Variants in MEGF8 observed in about 807,000 individuals in gnomAD.
MEGF8 encodes multiple epidermal growth factor-like domains protein 8.
MEGF8 carries 156 observed loss-of-function variants against 302.9 expected under a neutral mutation model. The ratio of observed to expected loss-of-function variants is 0.52; its 90% CI spans 0.45 to 0.59. The LOEUF (loss-of-function observed/expected upper bound fraction) is 0.59, where lower values mean the gene tolerates loss of function less well. Ranked by LOEUF, MEGF8 falls within the 20% of genes least tolerant of loss-of-function variation. The pLI is 0.00. For missense variants in MEGF8, 3,345 were observed against 3,964.5 expected, an observed-to-expected ratio of 0.84 and a Z score of 4.20; for synonymous variants, 1,621 against 1,660.5, an observed-to-expected ratio of 0.98 and a Z score of 0.58.
chr19:42,333,652 A>G lies in MEGF8; in HGVS notation c.235A>G (p.Thr79Ala). Residue 79 changes from threonine to alanine, a missense_variant, in exon 2 of 42, where the codon ACA becomes GCA. By Grantham distance (58) the Thr-to-Ala change is moderately conservative (BLOSUM62 0). Transcript: ENST00000251268. Reference sequence around the variant, plus strand: ...CCTGCTGGACTTCCTTTTCCTGGACACAGAGTGCACGTATGACTACCTGTT... The same window carrying G: ...CCTGCTGGACTTCCTTTTCCTGGACGCAGAGTGCACGTATGACTACCTGTT... The part of the protein sequence containing the change: ...RILLDFLFLD[T>A]ECTYDYLFVY... 6.2e-7 allele frequency: 1 copy of G among 1,613,952 alleles called. No individual in the cohort carries two copies. The highest frequency in any genetic ancestry group is 2.2e-5 in the East Asian group (1 of 44,868).
rs764906442 is a variant in MEGF8, at chr19:42,376,229, A to C, written c.7992A>C (p.Ser2664=). The C allele has an allele frequency of 6.2e-7, 1 of 1,603,698 alleles. No individual in the cohort carries two copies. Among genetic ancestry groups the C allele is most frequent in the Admixed American group, 1.7e-5 (1 of 57,748 alleles). Residue 2664 remains serine, a synonymous_variant, in exon 42 of 42, where the codon TCA becomes TCC. Coordinates refer to ENST00000251268, the MANE Select transcript of MEGF8 (RefSeq NM_001271938.2). This position sits in a 1 kb window ranked among gnomAD's most constrained non-coding sequence, Gnocchi z 8.2. ...TCTCCTGCTTCTTCCTCTTCCTCTC[A>C]CTCTGTGTGCTCCTCTGGAAGGCCA... The part of the protein sequence containing the change: ...VFFSCFFLFL[S]LCVLLWKAKQ...
rs1167358952 is a variant in MEGF8 at position 42,377,615 on chromosome 19, C to G, written c.*840C>G. On this transcript the variant is annotated 3_prime_UTR_variant, in exon 42 of 42. Coordinates refer to ENST00000251268, the MANE Select transcript of MEGF8 (RefSeq NM_001271938.2). The stretch of plus-strand genomic sequence containing the variant: ...CAGCCTGGCCAATATGGTGAAACCC[C>G]ATGTCTACTAAAAATACAAAAATTA... 2.0e-5 allele frequency: 3 copies of G among 152,182 alleles called. No homozygotes were observed. The highest frequency in any genetic ancestry group is 4.8e-5 in the African/African-American group (2 of 41,372). The allele number at this position is 152,182 out of a possible 1,614,324, so 9.4% of individuals were successfully genotyped here. A position where few individuals can be genotyped will look rare whatever the true frequency, so the allele number is the denominator to read the frequency against.
rs1568576433 is a variant in MEGF8, at chr19:42,369,817, C to T, written c.6834+94C>T. On this transcript the variant is annotated intron_variant, in intron 38 of 41. Transcript: ENST00000251268. The surrounding 1 kb of genome is among the most constrained non-coding windows in gnomAD (Gnocchi z 5.7). Reference sequence around the variant, plus strand: ...CAGGCGGCTCGCATCTCATCCTGAGCCCTGATAAGCCAGGGACAGATAAGC... The same window carrying T: ...CAGGCGGCTCGCATCTCATCCTGAGTCCTGATAAGCCAGGGACAGATAAGC... The T allele has an allele frequency of 7.5e-7, 1 of 1,336,466 alleles. No individual in the cohort carries two copies. The highest frequency in any genetic ancestry group is 2.5e-5 in the East Asian group (1 of 39,696). 82.8% of individuals were successfully genotyped at this position (1,336,466 alleles called of 1,614,324 possible). A position where few individuals can be genotyped will look rare whatever the true frequency, so the allele number is the denominator to read the frequency against.
chr19:42,334,087 T>C lies in MEGF8; in HGVS notation c.432T>C (p.Gly144=), dbSNP rs2039090440. The change falls in exon 3 of 42, where the codon GGT becomes GGC. Residue 144 remains glycine (G), a synonymous_variant. Coordinates refer to ENST00000251268, the MANE Select transcript of MEGF8 (RefSeq NM_001271938.2). ...CATTCCGCTTCTCCCTGTGCCCGGGTGGCTGCCAGAGCCACGGGCAGTGCC... is the reference window on the plus strand; with the variant it reads ...CATTCCGCTTCTCCCTGTGCCCGGGCGGCTGCCAGAGCCACGGGCAGTGCC... ...NASFRFSLCP[G]GCQSHGQCQP... is the part of the protein sequence containing the mutation. The C allele has an allele frequency of 1.2e-6, 2 of 1,611,776 alleles. No homozygotes were observed. Among genetic ancestry groups the C allele is most frequent in the Admixed American group, 1.7e-5 (1 of 59,834 alleles).
At chr19:42,331,866 A>G (rs575944717) in intron 1 of MEGF8, among the ~76,000 whole-genome samples, 1 of 130,832 alleles carries the variant, frequency 7.6e-6, no homozygotes, top group Non-Finnish European at 1.6e-5. Flanking sequence ...CACGGCACCC[A>G]GCCTCTTTTT....
chr19:42,362,034 A>G, intron 32 of MEGF8, 56 bp from the exon 33 acceptor site: 2 of 1,595,948 alleles, frequency 1.3e-6, no homozygotes, highest in Non-Finnish European at 1.7e-6. Context: ...AGTGTCTGGG[A>G]GGCAGAAGGA....
Position 42,356,130 on chromosome 19 carries a change from C to T in MEGF8, c.4440C>T (p.Cys1480=), listed in dbSNP as rs138473998. 1,250 of 1,580,124 alleles carry T rather than the reference C, an allele frequency of 7.9e-4. 10 individuals carry two copies. The African/African-American group carries it at 0.012, about 15-fold the overall frequency. The change falls in exon 25 of 42, where the codon TGC becomes TGT. Residue 1480 remains cysteine (C), a synonymous_variant. Coordinates refer to ENST00000251268, the MANE Select transcript of MEGF8 (RefSeq NM_001271938.2). The surrounding 1 kb of genome is among the most constrained non-coding windows in gnomAD (Gnocchi z 5.2). ...ICAEGFGGPD[C]ATKLDGGQLV... Reference sequence around the variant, plus strand: ...CCGAGGGCTTCGGGGGCCCCGACTGCGCCACCAAGCTGGATGGCGGGCAGC... The same window carrying T: ...CCGAGGGCTTCGGGGGCCCCGACTGTGCCACCAAGCTGGATGGCGGGCAGC...
chr19:42,336,361 C>CCATA lies in MEGF8; in HGVS notation c.1244+16_1244+19dup. 6.4e-7 allele frequency: 1 copy of CCATA among 1,572,956 alleles called. No homozygotes were observed. The highest frequency in any genetic ancestry group is 8.6e-7 in the Non-Finnish European group (1 of 1,160,286). On this transcript the variant is annotated intron_variant, in intron 6 of 41. Transcript: ENST00000251268. This position sits in a 1 kb window ranked among gnomAD's most constrained non-coding sequence, Gnocchi z 4.8. Reference sequence around the variant, plus strand: ...TCCACTGCCCGGTAAGTGACCTGTCCCATAACCCATGCTCCACAGGCCAGG... The same window carrying CCATA: ...TCCACTGCCCGGTAAGTGACCTGTCCCATACATAACCCATGCTCCACAGGCCAGG...
At position 42,357,095 on chromosome 19, in the gene MEGF8, A is replaced by G; in HGVS notation, c.4830+114A>G. 1 of 1,164,214 alleles carries G rather than the reference A, an allele frequency of 8.6e-7. No homozygotes were observed. The allele number at this position is 1,164,214 out of a possible 1,614,324, so 72.1% of individuals were successfully genotyped here. On this transcript the variant is annotated intron_variant, in intron 27 of 41. Transcript: ENST00000251268. This position sits in a 1 kb window ranked among gnomAD's most constrained non-coding sequence, Gnocchi z 5.2. The stretch of plus-strand genomic sequence containing the variant: ...GAGGAAACAGAAGCCCCAAACTTGA[A>G]TTTCCTCGGCCATCCTGGGTCACAC...
chr19:42,359,146 G>C lies in MEGF8; in HGVS notation c.5392G>C (p.Val1798Leu). The C allele has an allele frequency of 1.9e-6, 3 of 1,596,020 alleles. No individual in the cohort carries two copies. The highest frequency in any genetic ancestry group is 2.6e-6 in the Non-Finnish European group (3 of 1,171,748). ...HASALLGDTM[V>L]VLGGRSDPDE... is the part of the protein sequence containing the mutation. ...CTCAGCCCTGTTAGGGGACACCATGGTGGTTCTTGGGGGGCGCTCGGACCC... is the reference window on the plus strand; with the variant it reads ...CTCAGCCCTGTTAGGGGACACCATGCTGGTTCTTGGGGGGCGCTCGGACCC... The change falls in exon 31 of 42, where the codon GTG (valine) becomes CTG (leucine). Residue 1798 changes from valine (V) to leucine (L), a missense_variant. Transcript: ENST00000251268.
chr19:42,372,754 C>T (rs1220488079), intron 41 of MEGF8, among the ~76,000 whole-genome samples: 5 of 151,964 alleles, frequency 3.3e-5, no homozygotes, highest in Admixed American at 6.6e-5. Flanking sequence ...CTCGAGGCAG[C>T]CTCCACCTCC....
Position 42,358,051 on chromosome 19 carries a change from A to G in MEGF8, c.5012-93A>G, listed in dbSNP as rs555018451. 2 of 1,262,638 alleles carry G rather than the reference A, an allele frequency of 1.6e-6. No homozygotes were observed. Among genetic ancestry groups the G allele is most frequent in the East Asian group, 2.9e-5 (1 of 34,924 alleles). The allele number at this position is 1,262,638 out of a possible 1,614,324, so 78.2% of individuals were successfully genotyped here. Reference sequence around the variant, plus strand: ...CAGGCCTCCAGTCTCAGGGCCGGGGAAGGGAGTGGTCACCGAACAGGGGAC... The same window carrying G: ...CAGGCCTCCAGTCTCAGGGCCGGGGGAGGGAGTGGTCACCGAACAGGGGAC... On this transcript the variant is annotated intron_variant, in intron 28 of 41. Transcript: ENST00000251268. This position sits in a 1 kb window ranked among gnomAD's most constrained non-coding sequence, Gnocchi z 4.4.
Position 42,335,089 on chromosome 19 carries a change from C to A in MEGF8, c.613C>A (p.His205Asn), listed in dbSNP as rs2039107565. The A allele has an allele frequency of 6.2e-7, 1 of 1,613,842 alleles. No homozygotes were observed. The highest frequency in any genetic ancestry group is 1.7e-5 in the Admixed American group (1 of 59,988). The part of the protein sequence containing the change: ...PGFLGRACDL[H>N]LWENQGAGWW... ...CTTCTTGGGACGTGCCTGTGACCTG[C>A]ACCTGTGGGAGAACCAGGGGGCTGG... Residue 205 changes from histidine to asparagine, a missense_variant, in exon 4 of 42, where the codon CAC (histidine) becomes AAC (asparagine). Transcript: ENST00000251268.
intron 41 of MEGF8, among the ~76,000 whole-genome samples, chr19:42,373,007 A>T (rs984282890): frequency 2.0e-5 from 3 of 151,182 alleles, no homozygotes; most frequent in Non-Finnish European, 4.4e-5. Flanking sequence ...GGAAAGGCCT[A>T]TTGGCTTTTA....
chr19:42,351,733 G>A lies in MEGF8; in HGVS notation c.3073G>A (p.Gly1025Ser). 2.5e-6 allele frequency: 4 copies of A among 1,584,208 alleles called. No individual in the cohort carries two copies. The highest frequency in any genetic ancestry group is 3.4e-6 in the Non-Finnish European group (4 of 1,166,436). The change falls in exon 18 of 42, where the codon GGC becomes AGC. Residue 1025 changes from glycine (G) to serine (S), a missense_variant. Coordinates refer to ENST00000251268, the MANE Select transcript of MEGF8 (RefSeq NM_001271938.2). The surrounding 1 kb of genome is among the most constrained non-coding windows in gnomAD (Gnocchi z 5.6). ...CLQSHECGWC[G>S]NEDNPTLGRC... is the part of the protein sequence containing the mutation. Reference sequence around the variant, plus strand: ...GCAGAGCCACGAGTGTGGCTGGTGTGGCAATGAGGACAACCCCACACTGGG... The same window carrying A: ...GCAGAGCCACGAGTGTGGCTGGTGTAGCAATGAGGACAACCCCACACTGGG...
chr19:42,364,529 G>T (rs929613998), intron 35 of MEGF8, among the ~76,000 whole-genome samples: 3 of 152,144 alleles, frequency 2.0e-5, no homozygotes, highest in Non-Finnish European at 4.4e-5. Context: ...TTGAGAGGTG[G>T]ACTAAAGAAA....
chr19:42,370,794 C>T lies in MEGF8; in HGVS notation c.7099C>T (p.Leu2367=), dbSNP rs768745459. The T allele has an allele frequency of 3.1e-5, 44 of 1,439,082 alleles. No homozygotes were observed. The highest frequency in any genetic ancestry group is 1.5e-4 in the Admixed American group (7 of 47,362). The allele number at this position is 1,439,082 out of a possible 1,614,324, so 89.1% of individuals were successfully genotyped here. The change falls in exon 40 of 42, where the codon CTG becomes TTG. Residue 2367 remains leucine (L), a synonymous_variant. Coordinates refer to ENST00000251268, the MANE Select transcript of MEGF8 (RefSeq NM_001271938.2). The part of the protein sequence containing the change: ...NSYGEKCESC[L]QGYFLLDGKC... The stretch of plus-strand genomic sequence containing the variant: ...CTATGGGGAGAAATGCGAGAGCTGC[C>T]TGCAGGGCTACTTCCTCCTGGACGG...
chr19:42,365,721 A>G (rs899899325), intron 35 of MEGF8, among the ~76,000 whole-genome samples: 1 of 147,492 alleles, frequency 6.8e-6, no homozygotes, highest in African/African-American at 2.5e-5. Context: ...GCAGTGAGCC[A>G]TTATTACAGC....
At position 42,354,095 on chromosome 19, in the gene MEGF8, C is replaced by A; in HGVS notation, c.4011+71C>A. The A allele has an allele frequency of 6.7e-7, 1 of 1,486,518 alleles. No individual in the cohort carries two copies. Among genetic ancestry groups the A allele is most frequent in the African/African-American group, 1.4e-5 (1 of 71,242 alleles). 92.1% of individuals were successfully genotyped at this position (1,486,518 alleles called of 1,614,324 possible). ...TGTCCCCTGACCCAGCCTGCATCCT[C>A]AGACCCTGACCCTAGTATTGCTGTT... On this transcript the variant is annotated intron_variant, in intron 22 of 41. Coordinates refer to ENST00000251268, the MANE Select transcript of MEGF8 (RefSeq NM_001271938.2). The surrounding 1 kb of genome is among the most constrained non-coding windows in gnomAD (Gnocchi z 4.3).
Sources: gnomAD v4.1 joint callset for allele counts (sites outside exome capture counted in the v4.1 genomes callset) on GRCh38, gnomAD v4.1.1 for gene constraint, Gnocchi (gnomAD v3.1) non-coding constraint, MANE v1.5 for transcripts, NCBI Gene and HGNC (gene_info 2026-07-23, HGNC 2026-07-21) for gene names.